WDFY3: variants seen among roughly 807,000 people sequenced by gnomAD.
The protein encoded by WDFY3 is WD repeat and FYVE domain-containing protein 3.
Under a neutral mutation model 409.6 loss-of-function variants are expected in WDFY3, and 66 were observed. The ratio of observed to expected loss-of-function variants is 0.16; its 90% confidence interval spans 0.13 to 0.20. WDFY3 has a LOEUF of 0.20. Among genes scored for constraint, WDFY3 ranks in the 10% least tolerant of loss-of-function variants. The pLI, the probability that WDFY3 is intolerant of heterozygous loss-of-function variation, is 1.00. For missense variants in WDFY3, 3,031 were observed against 4,298.1 expected (o/e 0.71, Z 8.24); for synonymous variants, 1,521 against 1,537.1 (o/e 0.99, Z 0.25).
At chr4:84,891,214 C>T (rs555414587) in intron 3 of WDFY3, among the ~76,000 whole-genome samples, 1 of 152,266 alleles carries the variant, frequency 6.6e-6, no homozygotes, top group African/African-American at 2.4e-5. Flanking sequence ...AAATCTGTTT[C>T]GTCTGCCCTT....
chr4:84,694,290 C>T (rs1004527671), intron 58 of WDFY3, among the ~76,000 whole-genome samples: 2 of 152,196 alleles, frequency 1.3e-5, no homozygotes, highest in African/African-American at 2.4e-5. Context: ...GAGCACTGCG[C>T]CAGGCTGCGG....
At chr4:84,741,695 C>T (rs1738462118) in intron 38 of WDFY3, 66 bp downstream of exon 38, 1 of 1,449,532 alleles carries the variant, frequency 6.9e-7, no homozygotes, top group South Asian at 1.5e-5. Context: ...TTAATTTCAA[C>T]AATTTTGACA....
At chr4:84,866,231 C>T (rs1484859648) in intron 3 of WDFY3, among the ~76,000 whole-genome samples, 1 of 152,144 alleles carries the variant, frequency 6.6e-6, no homozygotes, top group Non-Finnish European at 1.5e-5. Context: ...TTTTCTGAAC[C>T]ATGGTGGGAC....
At chr4:84,778,708 T>TAC (rs1302403105) in intron 26 of WDFY3, 53 bp from the exon 27 acceptor site, 4 of 1,559,918 alleles carry the variant, frequency 2.6e-6, no homozygotes, top group East Asian at 4.5e-5. Context: ...ATATATTCAT[T>TAC]ACACACACAC....
At chr4:84,780,817 A>G (rs1201671719) in intron 25 of WDFY3, among the ~76,000 whole-genome samples, 1 of 152,066 alleles carries the variant, frequency 6.6e-6, no homozygotes, top group Non-Finnish European at 1.5e-5. Context: ...TGAAAAGGAA[A>G]AAAAGCTAAT....
chr4:84,774,850 T>A lies in WDFY3; in HGVS notation c.4724A>T (p.Gln1575Leu), dbSNP rs1194543156. The A allele has an allele frequency of 6.2e-7, 1 of 1,612,432 alleles. No homozygotes were observed. The highest frequency in any genetic ancestry group is 2.2e-5 in the East Asian group (1 of 44,842). The change falls in exon 29 of 68, where the codon CAA becomes CTA. Residue 1575 changes from glutamine (Q) to leucine (L), a missense_variant. By Grantham distance (113) the Gln-to-Leu change is moderately radical (BLOSUM62 -2). This residue lies in a region of WDFY3 where 342 missense variants were observed against 463.7 expected (regional missense o/e 0.74). Transcript: ENST00000295888. ...AISNVLSFLLQGFPSSNDLLR... is the reference protein window; with the variant it reads ...AISNVLSFLLLGFPSSNDLLR... ...CAGATCATTGCTGCTAGGAAAACCT[T>A]GCAGTAAGAAGCTCAGGACATTACT...
chr4:84,679,156 G>A lies in WDFY3; in HGVS notation c.9910C>T (p.Pro3304Ser), dbSNP rs902724516. Residue 3304 changes from proline (P) to serine (S), a missense_variant, in exon 65 of 68, where the codon CCC becomes TCC. Physicochemically the swap from Pro to Ser is moderately conservative, Grantham distance 74. Around this residue, in one of 16 missense-constraint regions of WDFY3, gnomAD observed 378 missense variants for 477.3 expected, o/e 0.79. Coordinates refer to ENST00000295888, the MANE Select transcript of WDFY3 (RefSeq NM_014991.6). The part of the protein sequence containing the change: ...SQDPKDTPSQ[P>S]SSTSHRPRAA... ...CGGGGCCTGTGGCTGGTGCTGCTGG[G>A]TTGGCTTGGAGTGTCCTTAGGGTCC... 1 of 1,613,678 alleles carries A rather than the reference G, an allele frequency of 6.2e-7. No individual in the cohort carries two copies. The highest frequency in any genetic ancestry group is 1.3e-5 in the African/African-American group (1 of 74,938).
chr4:84,962,540 C>T (rs560734292), intron 1 of WDFY3, among the ~76,000 whole-genome samples: 4 of 152,178 alleles, frequency 2.6e-5, no homozygotes, highest in Non-Finnish European at 5.9e-5. Context: ...TTTAGAGTAA[C>T]GGAAACGTCC....
chr4:84,835,907 C>CA (rs5859952), intron 7 of WDFY3, among the ~76,000 whole-genome samples: 5,663 of 152,224 alleles, frequency 0.037, 208 homozygotes, highest in Admixed American at 0.11. Context: ...ATTTAAGCCT[C>CA]AAAAAACCTT....
At chr4:84,759,323 T>C (rs1330685452) in intron 32 of WDFY3, among the ~76,000 whole-genome samples, 1 of 152,146 alleles carries the variant, frequency 6.6e-6, no homozygotes, top group Non-Finnish European at 1.5e-5. Flanking sequence ...TAAAGTAGTT[T>C]TTTCCAATTC....
chr4:84,733,007 T>G (rs769727017), intron 44 of WDFY3, among the ~76,000 whole-genome samples: 3 of 152,184 alleles, frequency 2.0e-5, no homozygotes, highest in Non-Finnish European at 4.4e-5. Context: ...TAACTAATTT[T>G]AATGAACTAA....
Position 84,796,747 on chromosome 4 carries a change from T to G in WDFY3, c.2941A>C (p.Met981Leu), listed in dbSNP as rs947768947. 2 of 1,610,158 alleles carry G rather than the reference T, an allele frequency of 1.2e-6. No homozygotes were observed. Among genetic ancestry groups the G allele is most frequent in the Admixed American group, 1.7e-5 (1 of 59,680 alleles). ...CCCAGACCTTCCAGAGATGTGATCA[T>G]ACTACCTGTAAGTCAAGGAAATCTC... ...LSYEPEMRSS[M>L]ITSLEGLGTD... Residue 981 changes from methionine to leucine, a missense_variant, in exon 19 of 68, where the codon ATG becomes CTG. Physicochemically the swap from Met to Leu is conservative, Grantham distance 15. Transcript: ENST00000295888.
chr4:84,949,312 A>G (rs1773305640), intron 1 of WDFY3, among the ~76,000 whole-genome samples: 1 of 152,240 alleles, frequency 6.6e-6, no homozygotes, highest in Admixed American at 6.5e-5. Context: ...ACTTGGCAGT[A>G]TAGTACAATT....
chr4:84,749,464 AC>A (rs1156982158), intron 36 of WDFY3, among the ~76,000 whole-genome samples: 4 of 152,172 alleles, frequency 2.6e-5, no homozygotes, highest in Non-Finnish European at 5.9e-5. Flanking sequence ...TCAAAAATAC[AC>A]TAAGCCTTAC....
chr4:84,963,728 A>G (rs1424867060), intron 1 of WDFY3, among the ~76,000 whole-genome samples: 1 of 152,242 alleles, frequency 6.6e-6, no homozygotes, highest in African/African-American at 2.4e-5. Flanking sequence ...ATTACCGATC[A>G]AAGTCTAGTA....
intron 44 of WDFY3, among the ~76,000 whole-genome samples, chr4:84,728,338 G>C (rs189334508): frequency 1.3e-5 from 2 of 152,090 alleles, no homozygotes; most frequent in Admixed American, 6.6e-5. Context: ...AGACCAGCCT[G>C]GGCAACATAG....
chr4:84,923,755 T>C (rs745901004), intron 2 of WDFY3, among the ~76,000 whole-genome samples: 2 of 152,128 alleles, frequency 1.3e-5, no homozygotes, highest in Non-Finnish European at 2.9e-5. Flanking sequence ...TCCCAGCACT[T>C]TGGGAGGCTG....
intron 4 of WDFY3, among the ~76,000 whole-genome samples, chr4:84,859,584 A>G (rs1760274099): frequency 6.6e-6 from 1 of 152,046 alleles, no homozygotes; most frequent in South Asian, 2.1e-4. Flanking sequence ...TATTATTATT[A>G]TTATTTTTGA....
rs377728528 is a variant in WDFY3, at chr4:84,677,264, C to T, written c.10392G>A (p.Ser3464=). The part of the protein sequence containing the change: ...DEGGDSCSGC[S]VRFSLTERRH... ...GTCTTTCTGTGAGTGAAAACCTCAC[C>T]GAGCAGCCTGAGCAGCTGTCACCAC... The change falls in exon 67 of 68, where the codon TCG becomes TCA. Residue 3464 remains serine, a synonymous_variant. Coordinates refer to ENST00000295888, the MANE Select transcript of WDFY3 (RefSeq NM_014991.6). 1.2e-5 allele frequency: 20 copies of T among 1,614,092 alleles called. No individual in the cohort carries two copies. The highest frequency in any genetic ancestry group is 8.9e-5 in the East Asian group (4 of 44,896).
Sources: allele counts gnomAD v4.1 joint callset (sites outside exome capture counted in the v4.1 genomes callset), GRCh38; gene constraint gnomAD v4.1.1; regional missense constraint gnomAD v4.1.1; transcripts MANE v1.5; gene names NCBI Gene and HGNC (gene_info 2026-07-23, HGNC 2026-07-21).